Variants in ACBD6 observed in about 807,000 individuals in gnomAD.
The protein encoded by ACBD6 is acyl-CoA-binding domain-containing protein 6.
Under a neutral mutation model 37.2 loss-of-function variants are expected in ACBD6, and 28 were observed. The observed-to-expected ratio is 0.75, with a 90% CI of 0.56 to 1.03. The LOEUF (loss-of-function observed/expected upper bound fraction) is 1.03, where lower values mean the gene tolerates loss of function less well. ACBD6 is among the 50% of genes least tolerant of loss of function. The pLI, the probability that ACBD6 is intolerant of heterozygous loss-of-function variation, is 0.00. For synonymous variants in ACBD6, 113 were observed against 126.8 expected (o/e 0.89, Z 0.73); for missense variants, 340 against 337.4 (o/e 1.01, Z -0.06).
exon 10 of ACBD6, chr1:180,274,717 C>G: frequency 9.4e-7 from 1 of 1,060,212 alleles, no homozygotes; most frequent in South Asian, 1.7e-5. Flanking sequence ...TCCGCTGATT[C>G]CTAGAAGGCT....
At chr1:180,348,480 G>A (rs1175491939) in intron 6 of ACBD6, among the ~76,000 whole-genome samples, 3 of 152,168 alleles carry the variant, frequency 2.0e-5, no homozygotes, top group Non-Finnish European at 4.4e-5. Flanking sequence ...GCTATTAAGA[G>A]TATTAAGATC....
intron 6 of ACBD6, among the ~76,000 whole-genome samples, chr1:180,389,004 A>AT (rs142303329): frequency 5.9e-5 from 9 of 151,786 alleles, no homozygotes; most frequent in Middle Eastern, 3.4e-3. Context: ...ATTCAATGCA[A>AT]TTTTTTTTTA....
chr1:180,495,889 TAA>T (rs1651718790), intron 1 of ACBD6, among the ~76,000 whole-genome samples: 1 of 152,184 alleles, frequency 6.6e-6, no homozygotes, highest in Non-Finnish European at 1.5e-5. Context: ...AATATGAAAT[TAA>T]TAAGGTTTAG....
At chr1:180,278,218 T>C (rs1016996914) in intron 9 of ACBD6, 5 of 152,178 alleles carry the variant, frequency 3.3e-5, no homozygotes, top group African/African-American at 9.7e-5. Flanking sequence ...CACTGCACTT[T>C]AAAAATTGGA....
chr1:180,478,874 C>T (rs1650903896), intron 3 of ACBD6, among the ~76,000 whole-genome samples: 1 of 152,062 alleles, frequency 6.6e-6, no homozygotes, highest in South Asian at 2.1e-4. Flanking sequence ...ACACCTGTAA[C>T]ACCAGCACTT....
In ACBD6 at chr1:180,501,490, G is replaced by A. The variant is rs895488216; in HGVS notation, c.222+555C>T. On this transcript the variant is annotated intron_variant, in intron 1 of 7. Transcript: ENST00000367595. ...TTACAGGCATGCGCCACCACGCTCGGCTAACTTAGTAGAGACGGGGTTTCT... is the reference window on the plus strand; with the variant it reads ...TTACAGGCATGCGCCACCACGCTCGACTAACTTAGTAGAGACGGGGTTTCT... 7.9e-5 allele frequency among the ~76,000 whole-genome samples: 12 copies of A among 152,264 alleles called. No individual in the cohort carries two copies. In the South Asian group the frequency reaches 2.3e-3, roughly 29 times the overall value.
chr1:180,437,453 A>T (rs1199099770), intron 3 of ACBD6, among the ~76,000 whole-genome samples: 1 of 152,198 alleles, frequency 6.6e-6, no homozygotes, highest in Non-Finnish European at 1.5e-5. Flanking sequence ...TTGGGGAGAA[A>T]TCCCCACGTA....
chr1:180,315,593 C>T (rs1400671758), intron 6 of ACBD6, among the ~76,000 whole-genome samples: 1 of 152,050 alleles, frequency 6.6e-6, no homozygotes, highest in Non-Finnish European at 1.5e-5. Flanking sequence ...TCTTGGGTAC[C>T]CATATCTGCT....
chr1:180,391,362 AAC>A (rs1248397327), intron 6 of ACBD6, among the ~76,000 whole-genome samples: 1 of 152,178 alleles, frequency 6.6e-6, no homozygotes, highest in East Asian at 1.9e-4. Flanking sequence ...AGCAAGTAAA[AAC>A]ACAATTCAAT....
intron 5 of ACBD6, among the ~76,000 whole-genome samples, chr1:180,402,577 G>C (rs892412206): frequency 1.3e-4 from 20 of 152,110 alleles, no homozygotes; most frequent in African/African-American, 4.8e-4. Context: ...CCAGTATTTT[G>C]GAAGGCCAAA....
chr1:180,316,332 GTGCGCACACACACACACACACATACA>G (rs1270711054), intron 6 of ACBD6, among the ~76,000 whole-genome samples: 1 of 147,656 alleles, frequency 6.8e-6, no homozygotes. Context: ...GTGTGCGTGA[GTGCGCACACACACACACACACATACA>G]TGCAAACTCC....
chr1:180,336,698 C>T (rs1327283015), intron 6 of ACBD6, among the ~76,000 whole-genome samples: 1 of 151,436 alleles, frequency 6.6e-6, no homozygotes, highest in Admixed American at 6.6e-5. Flanking sequence ...CACAAAAAAC[C>T]CTTCAAAAAC....
In ACBD6 at chr1:180,410,306, C is replaced by T. The variant is rs148980164; in HGVS notation, c.573+3060G>A. On this transcript the variant is annotated intron_variant, in intron 5 of 7. Coordinates refer to ENST00000367595, the MANE Select transcript of ACBD6 (RefSeq NM_032360.4). ...ATCCAGAAGACCTAGTTAAAGTAACCGATAAAGGTGACTACACTCAACAAC... is the reference window on the plus strand; with the variant it reads ...ATCCAGAAGACCTAGTTAAAGTAACTGATAAAGGTGACTACACTCAACAAC... Among the ~76,000 whole-genome samples, 433 of 152,260 alleles carry T rather than the reference C, an allele frequency of 2.8e-3. 3 individuals are homozygous for T. The highest frequency in any genetic ancestry group is 0.01 in the African/African-American group (418 of 41,536).
At chr1:180,373,243 TCTC>T (rs907096667) in intron 6 of ACBD6, among the ~76,000 whole-genome samples, 2 of 152,232 alleles carry the variant, frequency 1.3e-5, no homozygotes, top group Non-Finnish European at 1.5e-5. Context: ...CACTGAAATT[TCTC>T]CTAATTTCAG....
chr1:180,295,514 C>T (rs1264086580), intron 7 of ACBD6, among the ~76,000 whole-genome samples: 2 of 75,834 alleles, frequency 2.6e-5, no homozygotes, highest in Admixed American at 1.3e-4. Context: ...ACAGATAATG[C>T]ATTTTTTTTT....
exon 10 of ACBD6, chr1:180,274,802 G>A (rs1648927114): frequency 3.6e-6 from 2 of 549,884 alleles, no homozygotes; most frequent in African/African-American, 3.7e-5. Flanking sequence ...ACAGCACAGG[G>A]GGTAATGGCC....
intron 3 of ACBD6, among the ~76,000 whole-genome samples, chr1:180,454,693 T>C (rs1649847970): frequency 6.6e-6 from 1 of 151,638 alleles, no homozygotes; most frequent in Non-Finnish European, 1.5e-5. Flanking sequence ...AAAAACCCCA[T>C]CAAAAAGTGG....
chr1:180,314,652 T>C (rs1558245595), intron 7 of ACBD6, 40 bp downstream of exon 7: 1 of 1,452,534 alleles, frequency 6.9e-7, no homozygotes. Flanking sequence ...ATAGAGAATA[T>C]GTTCAAATAT....
chr1:180,426,394 A>C (rs1047516649), intron 4 of ACBD6, among the ~76,000 whole-genome samples: 4 of 152,204 alleles, frequency 2.6e-5, no homozygotes, highest in African/African-American at 9.7e-5. Flanking sequence ...AAGTAACCAG[A>C]AGCAATTTCT....
Sources: gnomAD v4.1 joint callset for allele counts (sites outside exome capture counted in the v4.1 genomes callset) on GRCh38, gnomAD v4.1.1 for gene constraint, MANE v1.5 for transcripts, NCBI Gene and HGNC (gene_info 2026-07-23, HGNC 2026-07-21) for gene names.